Variants in COL23A1 observed in about 807,000 individuals in gnomAD.
The protein encoded by COL23A1 is collagen type XXIII alpha 1 chain, also known as collagen alpha-1(XXIII) chain.
Under a neutral mutation model 99.3 loss-of-function variants are expected in COL23A1, and 97 were observed. That is an observed-to-expected ratio of 0.98 (90% CI 0.83 to 1.16). The LOEUF (loss-of-function observed/expected upper bound fraction) is 1.16. Among genes scored for constraint, COL23A1 ranks in the 50% most tolerant of loss-of-function variants. The pLI is 0.00. For synonymous variants in COL23A1, 320 were observed against 308.2 expected (o/e 1.04, Z -0.40); for missense variants, 762 against 757.4 (o/e 1.01, Z -0.07).
At chr5:178,477,647 C>T (rs940516455) in intron 2 of COL23A1, among the ~76,000 whole-genome samples, 3 of 152,136 alleles carry the variant, frequency 2.0e-5, no homozygotes, top group East Asian at 1.9e-4. Context: ...ACCCGAAGTT[C>T]GTGTTAGAAA....
In COL23A1 at chr5:178,252,557, A is replaced by T; in HGVS notation, c.1001T>A (p.Ile334Asn). The T allele has an allele frequency of 6.2e-7, 1 of 1,611,966 alleles. No homozygotes were observed. The highest frequency in any genetic ancestry group is 1.1e-5 in the South Asian group (1 of 90,406). ...ATCTGCACTGACCTTGGCTCCAGGG[A>T]TCCCTGGTGGCCCTGGGGGCCCCTG... ...GPQGPPGPPG[I>N]PGAKGELGLP... Residue 334 changes from isoleucine to asparagine, a missense_variant, in exon 17 of 29, where the codon ATC (isoleucine) becomes AAC (asparagine). By Grantham distance (149) the Ile-to-Asn change is moderately radical. Coordinates refer to ENST00000390654, the MANE Select transcript of COL23A1 (RefSeq NM_173465.4).
intron 2 of COL23A1, among the ~76,000 whole-genome samples, chr5:178,335,498 G>C (rs1490541058): frequency 6.6e-6 from 1 of 152,226 alleles, no homozygotes; most frequent in Non-Finnish European, 1.5e-5. Flanking sequence ...TATTTCATGA[G>C]CTGAATATGC....
chr5:178,253,881 T>C (rs1369656114), intron 16 of COL23A1, among the ~76,000 whole-genome samples: 1 of 150,710 alleles, frequency 6.6e-6, no homozygotes, highest in Non-Finnish European at 1.5e-5. Context: ...AGTCCATCTC[T>C]GGCTGGGCGT....
At chr5:178,502,307 A>G (rs1261887666) in intron 2 of COL23A1, among the ~76,000 whole-genome samples, 1 of 151,984 alleles carries the variant, frequency 6.6e-6, no homozygotes, top group Non-Finnish European at 1.5e-5. Flanking sequence ...AATTTTTTGT[A>G]TTTTTAGTAG....
chr5:178,560,566 G>C (rs545773380), intron 2 of COL23A1, 116 bp downstream of exon 2: 4 of 858,364 alleles, frequency 4.7e-6, no homozygotes, highest in East Asian at 5.4e-5. Flanking sequence ...CCAGGCCAGT[G>C]CACGAAGACG....
chr5:178,286,535 C>T lies in COL23A1; in HGVS notation c.441+1789G>A, dbSNP rs569378184. On this transcript the variant is annotated intron_variant, in intron 5 of 28. Transcript: ENST00000390654. ...CAGGGACAGCAGCCCCGGGTTTGGC[C>T]TGGCTCGCGTTCTGGGTGCTCTAAG... 2.6e-5 allele frequency among the ~76,000 whole-genome samples: 4 copies of T among 152,362 alleles called. No homozygotes were observed. In the East Asian group the frequency reaches 7.7e-4, roughly 29 times the overall value.
intron 2 of COL23A1, among the ~76,000 whole-genome samples, chr5:178,445,506 C>A (rs185138046): frequency 6.6e-6 from 1 of 152,094 alleles, no homozygotes; most frequent in East Asian, 1.9e-4. Flanking sequence ...CCCAAAGCGT[C>A]CCATTACGAT....
At chr5:178,417,103 G>A (rs764007467) in intron 2 of COL23A1, among the ~76,000 whole-genome samples, 1 of 152,218 alleles carries the variant, frequency 6.6e-6, no homozygotes, top group Non-Finnish European at 1.5e-5. Flanking sequence ...ACTCAGCACT[G>A]TCAGCAGTGT....
chr5:178,319,761 C>T (rs1759186475), intron 2 of COL23A1, among the ~76,000 whole-genome samples: 1 of 152,212 alleles, frequency 6.6e-6, no homozygotes, highest in Admixed American at 6.5e-5. Flanking sequence ...ACTGGGTTGA[C>T]CGACTGTCAC....
At chr5:178,358,488 T>C (rs1761949245) in intron 2 of COL23A1, among the ~76,000 whole-genome samples, 1 of 144,344 alleles carries the variant, frequency 6.9e-6, no homozygotes, top group South Asian at 2.3e-4. Context: ...CGTATATATG[T>C]GTGTGTATGC....
At chr5:178,293,368 A>C (rs1213542169) in intron 3 of COL23A1, among the ~76,000 whole-genome samples, 2 of 152,010 alleles carry the variant, frequency 1.3e-5, no homozygotes, top group Non-Finnish European at 2.9e-5. Flanking sequence ...TGGTGCTGCT[A>C]GGCATGTGCC....
At chr5:178,528,048 C>T (rs1478245216) in intron 2 of COL23A1, among the ~76,000 whole-genome samples, 3 of 152,216 alleles carry the variant, frequency 2.0e-5, no homozygotes, top group African/African-American at 7.2e-5. Flanking sequence ...TTGGCAAATA[C>T]CGGGGCTTTT....
At chr5:178,383,901 G>A (rs1763521065) in intron 2 of COL23A1, among the ~76,000 whole-genome samples, 1 of 151,380 alleles carries the variant, frequency 6.6e-6, no homozygotes, top group African/African-American at 2.4e-5. Context: ...AAAAGGCAGA[G>A]ACGAAAAGAA....
intron 2 of COL23A1, among the ~76,000 whole-genome samples, chr5:178,504,157 CTTT>C (rs1174677346): frequency 1.3e-5 from 2 of 152,250 alleles, no homozygotes; most frequent in East Asian, 3.9e-4. Context: ...CACATATCTT[CTTT>C]GTTTTTCATC....
At chr5:178,321,748 C>T (rs937989972) in intron 2 of COL23A1, among the ~76,000 whole-genome samples, 32 of 152,016 alleles carry the variant, frequency 2.1e-4, no homozygotes, top group Non-Finnish European at 3.8e-4. Flanking sequence ...CTCAGCCTCC[C>T]AAAGTGCTGG....
intron 7 of COL23A1, 100 bp from the exon 8 acceptor site, chr5:178,267,433 A>G: frequency 8.2e-7 from 1 of 1,212,788 alleles, no homozygotes; most frequent in Non-Finnish European, 1.2e-6. Context: ...ACATGGTATG[A>G]CTTAATTCCA....
rs778948841 is a variant in COL23A1 at position 178,384,804 on chromosome 5, C to T, written c.362-77885G>A. 7.2e-5 allele frequency among the ~76,000 whole-genome samples: 11 copies of T among 152,238 alleles called. No individual in the cohort carries two copies. The highest frequency in any genetic ancestry group is 1.5e-4 in the Non-Finnish European group (10 of 68,036). On this transcript the variant is annotated intron_variant, in intron 2 of 28. Transcript: ENST00000390654. This position sits in a 1 kb window ranked among gnomAD's most constrained non-coding sequence, Gnocchi z 5.5. ...CCCAGAACAGCCTGGGGCTTGGAGT[C>T]CCCCTGAGGGAAATGGCTGTGCCTT...
At chr5:178,260,761 T>C (rs561757296) in intron 11 of COL23A1, among the ~76,000 whole-genome samples, 64 of 152,148 alleles carry the variant, frequency 4.2e-4, no homozygotes, top group African/African-American at 1.3e-3. Context: ...GCCATTGCAC[T>C]CCAGCCTGGG....
In COL23A1 at chr5:178,468,334, G is replaced by A. The variant is rs1018091237; in HGVS notation, c.361+92348C>T. The stretch of plus-strand genomic sequence containing the variant: ...TAGGCCAGAGGGTGAGAGAGAACAC[G>A]GAGGTGCAAGACAGGGAGGGGATGG... On this transcript the variant is annotated intron_variant, in intron 2 of 28. Transcript: ENST00000390654. This position sits in a 1 kb window ranked among gnomAD's most constrained non-coding sequence, Gnocchi z 4.2. Among the ~76,000 whole-genome samples the A allele has an allele frequency of 6.6e-6, 1 of 152,112 alleles. No individual in the cohort carries two copies. The highest frequency in any genetic ancestry group is 1.5e-5 in the Non-Finnish European group (1 of 68,026).
Sources: gnomAD v4.1 joint callset for allele counts (sites outside exome capture counted in the v4.1 genomes callset) on GRCh38, gnomAD v4.1.1 for gene constraint, Gnocchi (gnomAD v3.1) non-coding constraint, MANE v1.5 for transcripts, NCBI Gene and HGNC (gene_info 2026-07-23, HGNC 2026-07-21) for gene names.